Variants in CRB1 observed in about 807,000 individuals in gnomAD.
CRB1 encodes protein crumbs homolog 1.
Under a neutral mutation model 120.0 loss-of-function variants are expected in CRB1, and 83 were observed. The ratio of observed to expected loss-of-function variants is 0.69; its 90% CI spans 0.58 to 0.83. The LOEUF (loss-of-function observed/expected upper bound fraction) is 0.83. Ranked by LOEUF, CRB1 falls within the 40% of genes least tolerant of loss-of-function variation. The pLI is 0.00. For synonymous variants in CRB1, 625 were observed against 612.5 expected (o/e 1.02, Z -0.30); for missense variants, 1,699 against 1,687.6 (o/e 1.01, Z -0.12).
At chr1:197,426,431 A>C (rs1298933234) in intron 6 of CRB1, among the ~76,000 whole-genome samples, 1 of 152,020 alleles carries the variant, frequency 6.6e-6, no homozygotes, top group Non-Finnish European at 1.5e-5. Flanking sequence ...AGGATTTCTC[A>C]CCATCTGACA....
intron 1 of CRB1, among the ~76,000 whole-genome samples, chr1:197,322,911 C>T (rs577468168): frequency 1.3e-5 from 2 of 152,174 alleles, no homozygotes; most frequent in South Asian, 4.1e-4. Context: ...TGACCTAGCA[C>T]ATATTAGATG....
the CRB1 span, among the ~76,000 whole-genome samples, chr1:197,249,040 CTTTCT>C: frequency 1.3e-5 from 2 of 151,848 alleles, no homozygotes; most frequent in African/African-American, 4.8e-5. Context: ...AGCTATTGGT[CTTTCT>C]TTTCATTTCT....
intron 6 of CRB1, 146 bp downstream of exon 6, chr1:197,422,102 A>G: frequency 1.4e-6 from 1 of 701,994 alleles, no homozygotes; most frequent in Non-Finnish European, 2.4e-6. Flanking sequence ...GATGAGAAAG[A>G]AAAGAAGAGG....
chr1:197,311,069 T>G (rs944433532), intron 1 of CRB1, among the ~76,000 whole-genome samples: 1 of 152,252 alleles, frequency 6.6e-6, no homozygotes, highest in Non-Finnish European at 1.5e-5. Flanking sequence ...GGTTTTATAC[T>G]GACACAATTT....
chr1:197,228,371 T>C, the CRB1 span, among the ~76,000 whole-genome samples: 1 of 152,210 alleles, frequency 6.6e-6, no homozygotes, highest in Non-Finnish European at 1.5e-5. Flanking sequence ...CTTAGAAATT[T>C]CTTCCACCAG....
chr1:197,435,570 A>C lies in CRB1; in HGVS notation c.3707A>C (p.Tyr1236Ser). Residue 1236 changes from tyrosine (Y) to serine (S), a missense_variant, in exon 9 of 12, where the codon TAT becomes TCT. Transcript: ENST00000367400. ...ACCTGCATTAGTCATACTAATGGCT[A>C]TTCTTGCCTCTGTTTTGGAAATTTT... ...GATCISHTNG[Y>S]SCLCFGNFTG... 1 of 1,613,458 alleles carries C rather than the reference A, an allele frequency of 6.2e-7. No individual in the cohort carries two copies. The highest frequency in any genetic ancestry group is 8.5e-7 in the Non-Finnish European group (1 of 1,179,678).
chr1:197,388,852 G>A (rs1180790573), intron 5 of CRB1, among the ~76,000 whole-genome samples: 1 of 151,962 alleles, frequency 6.6e-6, no homozygotes, highest in Non-Finnish European at 1.5e-5. Flanking sequence ...AAGGACAATG[G>A]CAGCAACAAC....
chr1:197,377,169 A>G (rs1661693853), intron 5 of CRB1, among the ~76,000 whole-genome samples: 1 of 152,038 alleles, frequency 6.6e-6, no homozygotes, highest in Non-Finnish European at 1.5e-5. Flanking sequence ...TAATTTCTTC[A>G]TATTACTTAT....
At chr1:197,355,065 T>C (rs3122635) in intron 4 of CRB1, among the ~76,000 whole-genome samples, 2 of 150,984 alleles carry the variant, frequency 1.3e-5, no homozygotes, top group East Asian at 2.0e-4. Context: ...ACAGAGTGCC[T>C]ATTGTTGCAT....
intron 1 of CRB1, among the ~76,000 whole-genome samples, chr1:197,290,080 A>G (rs1379775996): frequency 6.6e-6 from 1 of 151,530 alleles, no homozygotes; most frequent in Admixed American, 6.6e-5. Flanking sequence ...TGTTTTTCTT[A>G]TGACTTATAA....
chr1:197,385,882 A>C (rs567464628), intron 5 of CRB1, among the ~76,000 whole-genome samples: 2 of 152,236 alleles, frequency 1.3e-5, no homozygotes, highest in Admixed American at 1.3e-4. Flanking sequence ...AGTTAACTAC[A>C]ATCAGAAGTG....
intron 1 of CRB1, among the ~76,000 whole-genome samples, chr1:197,298,040 T>C (rs985294046): frequency 4.6e-5 from 7 of 151,916 alleles, no homozygotes; most frequent in Non-Finnish European, 7.4e-5. Context: ...AGTCTGGCTG[T>C]AAAGAGGGGA....
At chr1:197,457,119 G>A (rs1666318741) in intron 11 of CRB1, among the ~76,000 whole-genome samples, 1 of 152,038 alleles carries the variant, frequency 6.6e-6, no homozygotes, top group Non-Finnish European at 1.5e-5. Context: ...TTCTCATAAT[G>A]TTCCAGTAAA....
intron 11 of CRB1, among the ~76,000 whole-genome samples, chr1:197,458,851 C>T (rs1014799406): frequency 2.6e-5 from 4 of 152,068 alleles, no homozygotes; most frequent in Non-Finnish European, 4.4e-5. Context: ...ATCCTGAAAA[C>T]AATTAATCCC....
At position 197,452,185 on chromosome 1, in the gene CRB1, A is replaced by T. The variant is rs562035686; in HGVS notation, c.4005+9893A>T. Among the ~76,000 whole-genome samples, 29 of 152,266 alleles carry T rather than the reference A, an allele frequency of 1.9e-4. No individual in the cohort carries two copies. In the South Asian group the frequency reaches 4.4e-3, roughly 23 times the overall value. ...ATCCCGGTCTGTCAACCCACAGTTCAATATTCTTCCTGCTGTTCTAAGACG... is the reference window on the plus strand; with the variant it reads ...ATCCCGGTCTGTCAACCCACAGTTCTATATTCTTCCTGCTGTTCTAAGACG... On this transcript the variant is annotated intron_variant, in intron 11 of 11. Coordinates refer to ENST00000367400, the MANE Select transcript of CRB1 (RefSeq NM_201253.3).
At position 197,398,560 on chromosome 1, in the gene CRB1, C is replaced by G. The variant is rs140031251; in HGVS notation, c.1172-22440C>G. Among the ~76,000 whole-genome samples the G allele has an allele frequency of 1.4e-4, 21 of 152,184 alleles. 1 individual carries two copies. The highest frequency in any genetic ancestry group is 4.8e-4 in the African/African-American group (20 of 41,524). On this transcript the variant is annotated intron_variant, in intron 5 of 11. Transcript: ENST00000367400. The stretch of plus-strand genomic sequence containing the variant: ...AAAGAATCAGTAGGGCTTGGCAATA[C>G]ATTGAACACAGCTAGGACAGGGAAA...
chr1:197,344,133 T>C, intron 2 of CRB1, 148 bp from the exon 3 acceptor site: 2 of 812,670 alleles, frequency 2.5e-6, no homozygotes, highest in South Asian at 2.9e-5. Flanking sequence ...CACCAAAAGT[T>C]AATATCAATT....
chr1:197,317,973 A>C (rs1214446861), intron 1 of CRB1, among the ~76,000 whole-genome samples: 6 of 151,972 alleles, frequency 3.9e-5, no homozygotes, highest in African/African-American at 1.4e-4. Context: ...CAAAAGTCTG[A>C]GCAACAAAAA....
At chr1:197,371,994 A>G (rs1661394438) in intron 5 of CRB1, among the ~76,000 whole-genome samples, 1 of 152,114 alleles carries the variant, frequency 6.6e-6, no homozygotes, top group Non-Finnish European at 1.5e-5. Context: ...CCAGCAATCC[A>G]TCCCATGACC....
Sources: gnomAD v4.1 joint callset for allele counts (sites outside exome capture counted in the v4.1 genomes callset) on GRCh38, gnomAD v4.1.1 for gene constraint, MANE v1.5 for transcripts, NCBI Gene and HGNC (gene_info 2026-07-23, HGNC 2026-07-21) for gene names.